PTPRN2: variants seen among roughly 807,000 people sequenced by gnomAD.
PTPRN2 encodes the protein protein tyrosine phosphatase receptor type N2.
PTPRN2 carries 74 observed loss-of-function variants against 118.8 expected under a neutral mutation model. That is an observed-to-expected ratio of 0.62 (90% confidence interval 0.52 to 0.76). The LOEUF (loss-of-function observed/expected upper bound fraction) is 0.76. Among genes scored for constraint, PTPRN2 ranks in the 30% least tolerant of loss-of-function variants. The probability of loss-of-function intolerance (pLI) is 0.00; values close to 1 mark genes in which losing one functional copy is unlikely to be tolerated. For synonymous variants in PTPRN2, 641 were observed against 608.0 expected, an observed-to-expected ratio of 1.05 and a Z score of -0.80; for missense variants, 1,481 against 1,394.4, an observed-to-expected ratio of 1.06 and a Z score of -0.99.
intron 2 of PTPRN2, among the ~76,000 whole-genome samples, chr7:158,329,660 T>C (rs1803977111): frequency 1.3e-5 from 2 of 152,064 alleles, no homozygotes; most frequent in Admixed American, 6.5e-5. Context: ...CCGCAATAGG[T>C]GGTACTTTGA....
Position 158,015,285 on chromosome 7 carries a change from A to C in PTPRN2, c.1723+66013T>G, listed in dbSNP as rs1806362987. 6.6e-6 allele frequency among the ~76,000 whole-genome samples: 1 copy of C among 152,174 alleles called. No homozygotes were observed. Among genetic ancestry groups the C allele is most frequent in the African/African-American group, 2.4e-5 (1 of 41,444 alleles). On this transcript the variant is annotated intron_variant, in intron 11 of 22. Coordinates refer to ENST00000389418, the MANE Select transcript of PTPRN2 (RefSeq NM_002847.5). The surrounding 1 kb of genome is among the most constrained non-coding windows in gnomAD (Gnocchi z 4.2). ...TCTTTGAACTTCTCTAAGCCATTAT[A>C]CCTTTAGTTCCCTCTTCCCCACTTG... is the stretch of plus-strand genomic sequence containing the variant.
In PTPRN2 at chr7:157,931,765, G is replaced by A. The variant is rs142536793; in HGVS notation, c.1724-33028C>T. On this transcript the variant is annotated intron_variant, in intron 11 of 22. Coordinates refer to ENST00000389418, the MANE Select transcript of PTPRN2 (RefSeq NM_002847.5). ...ATGACTAGAGCTTAGCATAGACTGC[G>A]GTCTGGGCTTCAGTAGGAATTACGG... Among the ~76,000 whole-genome samples, 43 of 152,192 alleles carry A rather than the reference G, an allele frequency of 2.8e-4. No homozygotes were observed. In the East Asian group the frequency reaches 7.7e-3, roughly 27 times the overall value.
chr7:158,139,321 C>T (rs1230598123), intron 6 of PTPRN2, among the ~76,000 whole-genome samples: 6 of 152,090 alleles, frequency 3.9e-5, no homozygotes, highest in Non-Finnish European at 1.5e-5. Context: ...AAGAGCACGG[C>T]GTCTGAAATT....
chr7:158,490,307 G>A (rs1440365851), intron 1 of PTPRN2, among the ~76,000 whole-genome samples: 3 of 152,238 alleles, frequency 2.0e-5, no homozygotes, highest in Non-Finnish European at 1.5e-5. Flanking sequence ...AGGGTCGGGA[G>A]AGGAAAGGAG....
intron 1 of PTPRN2, among the ~76,000 whole-genome samples, chr7:158,514,084 G>A (rs766475792): frequency 6.6e-6 from 1 of 152,208 alleles, no homozygotes; most frequent in Non-Finnish European, 1.5e-5. Context: ...AAATGAGGCG[G>A]ATGGAAGCCT....
chr7:158,132,388 A>C (rs1818414074), intron 9 of PTPRN2, among the ~76,000 whole-genome samples: 1 of 151,008 alleles, frequency 6.6e-6, no homozygotes, highest in Non-Finnish European at 1.5e-5. Context: ...CACACATGCA[A>C]ATAAGCACAA....
intron 3 of PTPRN2, among the ~76,000 whole-genome samples, chr7:158,253,967 T>TGCA (rs1796863253): frequency 4.5e-5 from 1 of 22,406 alleles, no homozygotes. Context: ...ACAGAGCCAC[T>TGCA]GCCCACGGCA....
chr7:158,332,620 GTCAC>G (rs1368555021), intron 2 of PTPRN2, among the ~76,000 whole-genome samples: 2 of 147,546 alleles, frequency 1.4e-5, no homozygotes, highest in East Asian at 2.0e-4. Context: ...ACCTGCAGAT[GTCAC>G]TCACACCCAC....
chr7:157,624,585 A>T (rs1803459715), intron 14 of PTPRN2, among the ~76,000 whole-genome samples: 1 of 152,240 alleles, frequency 6.6e-6, no homozygotes, highest in Admixed American at 6.5e-5. Flanking sequence ...TACATGATTC[A>T]TTGAACACTG....
chr7:157,970,644 C>CG (rs1554503326), intron 11 of PTPRN2, among the ~76,000 whole-genome samples: 1 of 150,688 alleles, frequency 6.6e-6, no homozygotes, highest in Non-Finnish European at 1.5e-5. Context: ...GGACCCCCCC[C>CG]CCCACAGGTT....
At chr7:158,457,552 C>G (rs145050258) in intron 2 of PTPRN2, among the ~76,000 whole-genome samples, 33,579 of 109,826 alleles carry the variant, frequency 0.31, 4,049 homozygotes, top group Middle Eastern at 0.32. Flanking sequence ...AGTAAAGCCA[C>G]CGTCAAAACT....
chr7:157,669,609 G>T (rs73744821), intron 13 of PTPRN2: 94 of 468,888 alleles, frequency 2.0e-4, no homozygotes, highest in African/African-American at 1.7e-3. Context: ...CACGATGAGC[G>T]ATGTTGGCCA....
chr7:158,483,175 A>G (rs1265568045), intron 2 of PTPRN2, among the ~76,000 whole-genome samples: 2 of 152,238 alleles, frequency 1.3e-5, no homozygotes, highest in African/African-American at 4.8e-5. Flanking sequence ...TGTGACATAG[A>G]AAACCGGTAT....
At position 157,842,410 on chromosome 7, in the gene PTPRN2, C is replaced by CTTTTT. The variant is rs11316558; in HGVS notation, c.1788+56258_1788+56262dup. ...CCGCTTTGTGTGCAGATTCAGGAGA[C>CTTTTT]TTTTTTTTTTTTTTTTTTTTTTGAG... On this transcript the variant is annotated intron_variant, in intron 12 of 22. Transcript: ENST00000389418. Among the ~76,000 whole-genome samples, 125 of 93,276 alleles carry CTTTTT rather than the reference C, an allele frequency of 1.3e-3. 2 individuals carry two copies. The highest frequency in any genetic ancestry group is 6.0e-3 in the Middle Eastern group (1 of 168). 61.2% of individuals were successfully genotyped at this position (93,276 alleles called of 152,430 possible).
intron 3 of PTPRN2, among the ~76,000 whole-genome samples, chr7:158,220,204 A>T (rs1303947714): frequency 1.3e-5 from 2 of 152,170 alleles, no homozygotes; most frequent in African/African-American, 4.8e-5. Flanking sequence ...ACAAACCCAA[A>T]GGCAACATCA....
intron 2 of PTPRN2, among the ~76,000 whole-genome samples, chr7:158,338,201 G>A (rs1160154453): frequency 1.4e-5 from 1 of 73,668 alleles, no homozygotes; most frequent in Non-Finnish European, 2.7e-5. Flanking sequence ...ACCTGCAGAC[G>A]TCACTCACAC....
intron 10 of PTPRN2, among the ~76,000 whole-genome samples, chr7:158,100,665 T>C (rs1424031029): frequency 6.6e-6 from 1 of 152,226 alleles, no homozygotes. Flanking sequence ...ATGTTGGGCA[T>C]TTTTTCATAT....
At chr7:158,203,727 A>C (rs926959805) in intron 4 of PTPRN2, among the ~76,000 whole-genome samples, 7 of 152,174 alleles carry the variant, frequency 4.6e-5, no homozygotes, top group Non-Finnish European at 8.8e-5. Flanking sequence ...GGGGCAGTGC[A>C]CAACGCCCCC....
At chr7:158,373,986 T>C (rs1810301897) in intron 2 of PTPRN2, among the ~76,000 whole-genome samples, 1 of 152,176 alleles carries the variant, frequency 6.6e-6, no homozygotes, top group Non-Finnish European at 1.5e-5. Flanking sequence ...GGTGCTGGGC[T>C]GGGCCCTGAG....
Sources: gnomAD v4.1 joint callset for allele counts (sites outside exome capture counted in the v4.1 genomes callset) on GRCh38, gnomAD v4.1.1 for gene constraint, Gnocchi (gnomAD v3.1) non-coding constraint, MANE v1.5 for transcripts, NCBI Gene and HGNC (gene_info 2026-07-23, HGNC 2026-07-21) for gene names.